IFT81: variants seen among roughly 807,000 people sequenced by gnomAD.
IFT81 encodes the protein intraflagellar transport 81, also known as intraflagellar transport protein 81 homolog.
IFT81 carries 72 observed loss-of-function variants against 102.6 expected under a neutral mutation model. That is an observed-to-expected ratio of 0.70 (90% CI 0.58 to 0.85). The LOEUF is 0.85. Among genes scored for constraint, IFT81 ranks in the 40% least tolerant of loss-of-function variants. IFT81 has a pLI of 0.00. For missense variants in IFT81, 723 were observed against 787.3 expected (o/e 0.92, Z 0.98); for synonymous variants, 237 against 242.7 (o/e 0.98, Z 0.22).
chr12:110,203,737 A>T (rs1402807838), intron 14 of IFT81, 127 bp from the exon 15 acceptor site: 1 of 680,296 alleles, frequency 1.5e-6, no homozygotes, highest in African/African-American at 1.8e-5. Flanking sequence ...TGTTGCATAA[A>T]TAACTCTTAA....
intron 11 of IFT81, among the ~76,000 whole-genome samples, chr12:110,173,603 A>T (rs1021209232): frequency 2.0e-5 from 3 of 152,190 alleles, no homozygotes; most frequent in Admixed American, 1.3e-4. Flanking sequence ...GAGACTTTTC[A>T]TTTTGTTCTG....
intron 10 of IFT81, among the ~76,000 whole-genome samples, chr12:110,150,377 A>ATGTTTTAAGGCAGCCAT (rs1261603967): frequency 6.6e-6 from 1 of 152,180 alleles, no homozygotes; most frequent in East Asian, 1.9e-4. Context: ...GCACCCGGCC[A>ATGTTTTAAGGCAGCCAT]TGTTTTTAGG....
chr12:110,208,532 A>G (rs1469707165), intron 17 of IFT81, among the ~76,000 whole-genome samples: 4 of 152,224 alleles, frequency 2.6e-5, no homozygotes, highest in Non-Finnish European at 5.9e-5. Context: ...ATTAAACTAC[A>G]TATGCTGTTT....
chr12:110,137,137 C>T (rs540529264), intron 8 of IFT81, among the ~76,000 whole-genome samples: 2 of 152,280 alleles, frequency 1.3e-5, no homozygotes, highest in Non-Finnish European at 2.9e-5. Flanking sequence ...GTCAGGAGTT[C>T]GAGACCAGCC....
intron 10 of IFT81, among the ~76,000 whole-genome samples, chr12:110,159,855 C>G (rs1896045945): frequency 6.6e-6 from 1 of 152,284 alleles, no homozygotes; most frequent in Non-Finnish European, 1.5e-5. Flanking sequence ...GGGATGGGAC[C>G]TGCTATTGTG....
At position 110,194,076 on chromosome 12, in the gene IFT81, C is replaced by T. The variant is rs117624317; in HGVS notation, c.1557+1370C>T. Among the ~76,000 whole-genome samples, 547 of 152,172 alleles carry T rather than the reference C, an allele frequency of 3.6e-3. 29 individuals are homozygous for T. The East Asian group carries it at 0.1, about 29-fold the overall frequency. ...GGAGGGGCCTCACACTTTTAAACAA[C>T]GAGATCTTATGAGAACTCACTCACT... On this transcript the variant is annotated intron_variant, in intron 14 of 18. Coordinates refer to ENST00000242591, the MANE Select transcript of IFT81 (RefSeq NM_014055.4).
At position 110,135,013 on chromosome 12, in the gene IFT81, G is replaced by C; in HGVS notation, c.585G>C (p.Arg195Ser). ...AGAGAGTTGAACATTTGAAGAAAAGGGTAAGGCAGAATTAGTACTGTAAGA... is the reference window on the plus strand; with the variant it reads ...AGAGAGTTGAACATTTGAAGAAAAGCGTAAGGCAGAATTAGTACTGTAAGA... ...LIKRVEHLKK[R>S]VETAQNHQWM... Residue 195 changes from arginine to serine, a missense_variant and splice_region_variant, in exon 6 of 19, where the codon AGG becomes AGC. Physicochemically the swap from Arg to Ser is moderately radical, Grantham distance 110. Transcript: ENST00000242591. 1 of 1,606,906 alleles carries C rather than the reference G, an allele frequency of 6.2e-7. No individual in the cohort carries two copies. The highest frequency in any genetic ancestry group is 8.5e-7 in the Non-Finnish European group (1 of 1,176,376).
At chr12:110,140,869 A>G (rs1894847483) in intron 8 of IFT81, among the ~76,000 whole-genome samples, 1 of 151,336 alleles carries the variant, frequency 6.6e-6, no homozygotes, top group Non-Finnish European at 1.5e-5. Flanking sequence ...GATTACAGGC[A>G]TATGCCACCA....
intron 17 of IFT81, among the ~76,000 whole-genome samples, chr12:110,206,922 A>C (rs1298597138): frequency 6.6e-6 from 1 of 152,178 alleles, no homozygotes; most frequent in Non-Finnish European, 1.5e-5. Context: ...TTCTTAAAAA[A>C]TAAAAATTTT....
At chr12:110,215,450 C>CTTTTTTTTTTTTTT (rs1566176986) in intron 18 of IFT81, among the ~76,000 whole-genome samples, 3 of 99,506 alleles carry the variant, frequency 3.0e-5, no homozygotes, top group African/African-American at 9.9e-5. Context: ...TCTTCTTCTT[C>CTTTTTTTTTTTTTT]TTCTTTTTTT....
chr12:110,172,301 T>A (rs1333718524), intron 11 of IFT81, among the ~76,000 whole-genome samples: 2 of 151,382 alleles, frequency 1.3e-5, no homozygotes, highest in Non-Finnish European at 2.9e-5. Flanking sequence ...CCTCTGCCTC[T>A]GCCTCTGCCT....
chr12:110,155,649 T>C (rs1895799586), intron 10 of IFT81, among the ~76,000 whole-genome samples: 1 of 152,182 alleles, frequency 6.6e-6, no homozygotes, highest in African/African-American at 2.4e-5. Context: ...CCAATCACTG[T>C]CTTTTAATTA....
At position 110,212,557 on chromosome 12, in the gene IFT81, C is replaced by T. The variant is rs1244043807; in HGVS notation, c.1848+3341C>T. Among the ~76,000 whole-genome samples the T allele has an allele frequency of 2.8e-4, 41 of 148,496 alleles. No individual in the cohort carries two copies. The Admixed American group carries it at 2.8e-3, about 10-fold the overall frequency. On this transcript the variant is annotated intron_variant, in intron 18 of 18. Transcript: ENST00000242591. ...TGTCTTAAAAAAAAAAAAAAGCATCCCAGGTGCAGTGGCTCATGCCTGTAA... is the reference window on the plus strand; with the variant it reads ...TGTCTTAAAAAAAAAAAAAAGCATCTCAGGTGCAGTGGCTCATGCCTGTAA...
intron 11 of IFT81, among the ~76,000 whole-genome samples, chr12:110,178,269 C>T (rs1310242589): frequency 6.6e-6 from 1 of 151,864 alleles, no homozygotes; most frequent in Non-Finnish European, 1.5e-5. Flanking sequence ...CAAAAATTAG[C>T]CTGGCATGGT....
chr12:110,135,875 A>G (rs1894474292), intron 7 of IFT81, among the ~76,000 whole-genome samples: 1 of 152,040 alleles, frequency 6.6e-6, no homozygotes, highest in Admixed American at 6.6e-5. Flanking sequence ...TGAAAAAAAA[A>G]AAAAAAAAAA....
At chr12:110,139,239 A>T (rs61217249) in intron 8 of IFT81, among the ~76,000 whole-genome samples, 1 of 147,114 alleles carries the variant, frequency 6.8e-6, no homozygotes, top group East Asian at 2.2e-4. Context: ...TGGGAGGCTG[A>T]GGTGGGAGGA....
At chr12:110,176,807 A>T (rs1897054553) in intron 11 of IFT81, among the ~76,000 whole-genome samples, 1 of 152,252 alleles carries the variant, frequency 6.6e-6, no homozygotes, top group African/African-American at 2.4e-5. Context: ...ATCAGCATAG[A>T]ACACACTCAG....
Position 110,204,038 on chromosome 12 carries a change from G to A in IFT81, c.1644+88G>A, listed in dbSNP as rs1211657339. 6.1e-6 allele frequency: 5 copies of A among 814,162 alleles called. No homozygotes were observed. In the African/African-American group the frequency reaches 8.5e-5, roughly 14 times the overall value. 50.4% of individuals were successfully genotyped at this position (814,162 alleles called of 1,614,324 possible). On this transcript the variant is annotated intron_variant, in intron 15 of 18. Coordinates refer to ENST00000242591, the MANE Select transcript of IFT81 (RefSeq NM_014055.4). Reference sequence around the variant, plus strand: ...CCAGCTACTCTGGAGGCTGAAGCAGGAGGATTGCTTGAGCCTAGGAGTTTG... The same window carrying A: ...CCAGCTACTCTGGAGGCTGAAGCAGAAGGATTGCTTGAGCCTAGGAGTTTG...
chr12:110,168,462 C>T (rs1176923108), intron 11 of IFT81: 1 of 964,050 alleles, frequency 1.0e-6, no homozygotes, highest in Non-Finnish European at 1.2e-6. Context: ...TTTGCCAATT[C>T]AACACATCAT....
Sources: gnomAD v4.1 joint callset for allele counts (sites outside exome capture counted in the v4.1 genomes callset) on GRCh38, gnomAD v4.1.1 for gene constraint, MANE v1.5 for transcripts, NCBI Gene and HGNC (gene_info 2026-07-23, HGNC 2026-07-21) for gene names.